GINS1: variants seen among roughly 807,000 people sequenced by gnomAD.
The protein encoded by GINS1 is DNA replication complex GINS protein PSF1.
GINS1 carries 26 observed loss-of-function variants against 34.9 expected under a neutral mutation model. The ratio of observed to expected loss-of-function variants is 0.74; its 90% CI spans 0.55 to 1.03. The LOEUF (loss-of-function observed/expected upper bound fraction) is 1.03, where lower values mean the gene tolerates loss of function less well. Among genes scored for constraint, GINS1 ranks in the 50% least tolerant of loss-of-function variants. The probability of loss-of-function intolerance (pLI) is 0.00; values close to 1 mark genes in which losing one functional copy is unlikely to be tolerated. For synonymous variants in GINS1, 97 were observed against 84.4 expected, an observed-to-expected ratio of 1.15 and a Z score of -0.82; for missense variants, 235 against 237.9, an observed-to-expected ratio of 0.99 and a Z score of 0.08.
At chr20:25,433,545 GA>G (rs1389869283) in intron 5 of GINS1, among the ~76,000 whole-genome samples, 2 of 151,698 alleles carry the variant, frequency 1.3e-5, no homozygotes, top group East Asian at 2.0e-4. Context: ...TAACAATAAG[GA>G]AAAAAAGTCT....
intron 1 of GINS1, among the ~76,000 whole-genome samples, chr20:25,408,544 AT>A (rs2090262447): frequency 1.3e-5 from 2 of 151,990 alleles, no homozygotes; most frequent in African/African-American, 4.8e-5. Flanking sequence ...CTTCATGTAC[AT>A]TATCTTTTGT....
At chr20:25,428,100 T>A (rs1024892543) in intron 5 of GINS1, among the ~76,000 whole-genome samples, 3 of 152,100 alleles carry the variant, frequency 2.0e-5, no homozygotes, top group African/African-American at 7.2e-5. Flanking sequence ...CTTGAAATCC[T>A]GACTTCAGGT....
At chr20:25,435,778 A>AC (rs1417272012) in intron 5 of GINS1, among the ~76,000 whole-genome samples, 2 of 123,618 alleles carry the variant, frequency 1.6e-5, no homozygotes, top group African/African-American at 6.2e-5. Context: ...AAAAAAAAAA[A>AC]AAAAAAAAAA....
chr20:25,441,734 AG>A lies in GINS1; in HGVS notation c.481del (p.Val161LeufsTer9). ...GTCTAAAAGACTATGGAGAATTTGAAGTTGATGATGGCACTTCAGTCCTATT... is the reference window on the plus strand; with the variant it reads ...GTCTAAAAGACTATGGAGAATTTGAATTGATGATGGCACTTCAGTCCTATT... The part of the protein sequence containing the change: ...RCLKDYGEFE[V>X]DDGTSVLLKK... On this transcript the variant is annotated frameshift_variant, in exon 6 of 7. Transcript: ENST00000262460. LOFTEE classifies it high-confidence loss of function. 1 of 1,569,288 alleles carries A rather than the reference AG, an allele frequency of 6.4e-7. No homozygotes were observed. Among genetic ancestry groups the A allele is most frequent in the Non-Finnish European group, 8.7e-7 (1 of 1,147,386 alleles).
At position 25,407,695 on chromosome 20, in the gene GINS1, G is replaced by A. The variant is rs562070954; in HGVS notation, c.-126G>A. The A allele has an allele frequency of 5.3e-6, 4 of 757,460 alleles. No individual in the cohort carries two copies. Among genetic ancestry groups the A allele is most frequent in the South Asian group, 3.3e-5 (2 of 60,198 alleles). The allele number at this position is 757,460 out of a possible 1,614,324, so 46.9% of individuals were successfully genotyped here. ...TTTGTTCGGCGCCAAAGCGCGGAGC[G>A]GAGGCCGAGGCGAGAGCCTGGCGCT... On this transcript the variant is annotated 5_prime_UTR_variant, in exon 1 of 7. Transcript: ENST00000262460.
intron 5 of GINS1, among the ~76,000 whole-genome samples, chr20:25,430,517 G>C (rs1470310774): frequency 1.6e-4 from 24 of 152,002 alleles, no homozygotes; most frequent in Admixed American, 1.6e-3. Context: ...TGATACTATT[G>C]TGGTGATAAT....
At position 25,407,819 on chromosome 20, in the gene GINS1, C is replaced by T. The variant is rs1474019429; in HGVS notation, c.-2C>T. 6.2e-7 allele frequency: 1 copy of T among 1,613,570 alleles called. No individual in the cohort carries two copies. The highest frequency in any genetic ancestry group is 8.5e-7 in the Non-Finnish European group (1 of 1,179,570). ...AGGCCGCGGGAGTGGGAAGCGTCCG[C>T]CATGTTCTGCGAAAAAGCCATGGAA... On this transcript the variant is annotated 5_prime_UTR_variant, in exon 1 of 7. Coordinates refer to ENST00000262460, the MANE Select transcript of GINS1 (RefSeq NM_021067.5).
At chr20:25,419,917 C>T (rs1441513551) in intron 4 of GINS1, 1 of 153,460 alleles carries the variant, frequency 6.5e-6, no homozygotes, top group East Asian at 1.9e-4. Flanking sequence ...CTCTTGGCCT[C>T]CCAAAGTGCT....
chr20:25,420,835 C>T lies in GINS1; in HGVS notation c.330+2640C>T, dbSNP rs111902734. 3,376 of 966,580 alleles carry T rather than the reference C, an allele frequency of 3.5e-3. 15 individuals carry two copies. The highest frequency in any genetic ancestry group is 0.018 in the African/African-American group (1,035 of 56,812). 59.9% of individuals were successfully genotyped at this position (966,580 alleles called of 1,614,324 possible). On this transcript the variant is annotated intron_variant, in intron 4 of 6. Transcript: ENST00000262460. ...AGAATAAAAGGAATATACATGGTCT[C>T]GTTCTCTTAGTAGTGATGTTTTGGA... is the stretch of plus-strand genomic sequence containing the variant.
chr20:25,446,098 ATTG>A lies in GINS1; in HGVS notation c.*110_*112del. 3.4e-6 allele frequency: 2 copies of A among 584,268 alleles called. No individual in the cohort carries two copies. The highest frequency in any genetic ancestry group is 6.1e-6 in the Non-Finnish European group (2 of 327,138). 36.2% of individuals were successfully genotyped at this position (584,268 alleles called of 1,614,324 possible). ...CTCTTTGATTTTAGAAGCTATAGAC[ATTG>A]TTTAAGATAACTAAGAATACTTGGC... On this transcript the variant is annotated 3_prime_UTR_variant, in exon 7 of 7. Coordinates refer to ENST00000262460, the MANE Select transcript of GINS1 (RefSeq NM_021067.5).
intron 5 of GINS1, among the ~76,000 whole-genome samples, chr20:25,438,119 C>CAAA (rs34107871): frequency 0.059 from 5,777 of 98,072 alleles, 498 homozygotes; most frequent in African/African-American, 0.2. Context: ...AACTCCGTCT[C>CAAA]AAAAAAAAAA....
chr20:25,417,093 GCTC>G lies in GINS1; in HGVS notation c.141-8_141-6del. ...GTACATATTTTTTTTCTTTTTAAAT[GCTC>G]CTATCAGGAATGAAGCAAAGTCAGG... On this transcript the variant is annotated splice_region_variant and splice_polypyrimidine_tract_variant and intron_variant, in intron 2 of 6. Transcript: ENST00000262460. 1 of 1,275,972 alleles carries G rather than the reference GCTC, an allele frequency of 7.8e-7. No homozygotes were observed. Among genetic ancestry groups the G allele is most frequent in the Non-Finnish European group, 1.1e-6 (1 of 886,790 alleles). 79.0% of individuals were successfully genotyped at this position (1,275,972 alleles called of 1,614,324 possible).
At chr20:25,417,043 T>C (rs1184063598) in intron 2 of GINS1, 61 bp from the exon 3 acceptor site, 2 of 762,708 alleles carry the variant, frequency 2.6e-6, no homozygotes, top group Admixed American at 4.5e-5. Flanking sequence ...TTAGTTGGCT[T>C]TGAAAATTTT....
chr20:25,436,043 C>T (rs1219390017), intron 5 of GINS1, among the ~76,000 whole-genome samples: 15 of 150,430 alleles, frequency 1.0e-4, no homozygotes, highest in Admixed American at 8.0e-4. Flanking sequence ...AGGATGGTCT[C>T]GATCTCCTGA....
intron 5 of GINS1, among the ~76,000 whole-genome samples, chr20:25,430,526 AT>A (rs1197037735): frequency 3.9e-5 from 6 of 151,954 alleles, no homozygotes; most frequent in Non-Finnish European, 8.8e-5. Context: ...TGTGGTGATA[AT>A]TTTTTTAATT....
At chr20:25,428,263 C>T (rs1001588266) in intron 5 of GINS1, among the ~76,000 whole-genome samples, 5 of 151,884 alleles carry the variant, frequency 3.3e-5, no homozygotes, top group African/African-American at 1.2e-4. Context: ...ACCTGTATTT[C>T]CTTCTAAGTA....
At chr20:25,437,614 C>G (rs2090461008) in intron 5 of GINS1, among the ~76,000 whole-genome samples, 1 of 152,198 alleles carries the variant, frequency 6.6e-6, no homozygotes, top group African/African-American at 2.4e-5. Context: ...ACCATTTTAC[C>G]TGAATCCAGG....
At chr20:25,440,496 C>T (rs2090476137) in intron 5 of GINS1, among the ~76,000 whole-genome samples, 1 of 151,904 alleles carries the variant, frequency 6.6e-6, no homozygotes, top group Non-Finnish European at 1.5e-5. Context: ...TTGAGATTTC[C>T]CAAAATAAAA....
rs1376817220 is a variant in GINS1 at position 25,447,610 on chromosome 20, CAGAT to C, written c.*1622_*1625del. The C allele has an allele frequency of 6.6e-6, 1 of 152,040 alleles. No homozygotes were observed. The highest frequency in any genetic ancestry group is 1.5e-5 in the Non-Finnish European group (1 of 68,006). The allele number at this position is 152,040 out of a possible 1,614,324, so 9.4% of individuals were successfully genotyped here. On this transcript the variant is annotated 3_prime_UTR_variant, in exon 7 of 7. Transcript: ENST00000262460. Reference sequence around the variant, plus strand: ...TGTAATTTTCTAATAATTCTTGAAACAGATAGTATTAATGTGTCATATTTTTGCT... The same window carrying C: ...TGTAATTTTCTAATAATTCTTGAAACAGTATTAATGTGTCATATTTTTGCT...
Sources: allele counts gnomAD v4.1 joint callset (sites outside exome capture counted in the v4.1 genomes callset), GRCh38; gene constraint gnomAD v4.1.1; transcripts MANE v1.5; gene names NCBI Gene and HGNC (gene_info 2026-07-23, HGNC 2026-07-21).